Variants in TAOK3 observed in about 807,000 individuals in gnomAD.
TAOK3 encodes the protein TAO kinase 3, also known as serine/threonine-protein kinase TAO3.
TAOK3 carries 40 observed loss-of-function variants against 120.4 expected under a neutral mutation model. That is an observed-to-expected ratio of 0.33 (90% CI 0.26 to 0.43). The LOEUF is 0.43. Among genes scored for constraint, TAOK3 ranks in the 20% least tolerant of loss-of-function variants. The pLI is 1.00. For synonymous variants in TAOK3, 355 were observed against 387.5 expected (o/e 0.92, Z 0.99); for missense variants, 821 against 1,112.1 (o/e 0.74, Z 3.72).
At chr12:118,209,480 G>A (rs2038507491) in intron 11 of TAOK3, among the ~76,000 whole-genome samples, 1 of 152,058 alleles carries the variant, frequency 6.6e-6, no homozygotes, top group South Asian at 2.1e-4. Flanking sequence ...TCGGCTCACT[G>A]CAACCTCCTA....
At chr12:118,156,849 C>T (rs1279505630) in intron 19 of TAOK3, among the ~76,000 whole-genome samples, 3 of 151,988 alleles carry the variant, frequency 2.0e-5, no homozygotes, top group Admixed American at 6.6e-5. Context: ...GCGATTCTCC[C>T]GCCTCAGTCT....
rs550839480 is a variant in TAOK3, at chr12:118,299,572, C to T, written c.-193-32813G>A. On this transcript the variant is annotated intron_variant, in intron 1 of 20. Transcript: ENST00000392533. ...TCACCCAGGATGGAGTGCAGTGGCT[C>T]GATCTCGGCTCACTGCAACCTCTGC... is the stretch of plus-strand genomic sequence containing the variant. Among the ~76,000 whole-genome samples, 151 of 152,206 alleles carry T rather than the reference C, an allele frequency of 9.9e-4. 1 individual carries two copies. Among genetic ancestry groups the T allele is most frequent in the African/African-American group, 3.2e-3 (134 of 41,542 alleles).
rs528000392 is a variant in TAOK3 at position 118,304,462 on chromosome 12, A to G, written c.-193-37703T>C. Among the ~76,000 whole-genome samples the G allele has an allele frequency of 2.0e-5, 3 of 152,332 alleles. No homozygotes were observed. The South Asian group carries it at 6.2e-4, about 32-fold the overall frequency. On this transcript the variant is annotated intron_variant, in intron 1 of 20. Coordinates refer to ENST00000392533, the MANE Select transcript of TAOK3 (RefSeq NM_016281.4). ...GCTGAATTATTAATTACCTCTTCCT[A>G]GACTTCTTCGTATGATAACTTGATT... is the stretch of plus-strand genomic sequence containing the variant.
In TAOK3 at chr12:118,270,095, G is replaced by T. The variant is rs183383794; in HGVS notation, c.-193-3336C>A. 6.9e-3 allele frequency among the ~76,000 whole-genome samples: 1,054 copies of T among 152,244 alleles called. 7 individuals carry two copies. Among genetic ancestry groups the T allele is most frequent in the Non-Finnish European group, 0.01 (711 of 68,018 alleles). On this transcript the variant is annotated intron_variant, in intron 1 of 20. Transcript: ENST00000392533. ...ATTTCTGCCCATTTAATGATTTTAA[G>T]TAATACTGTGTCACTAGACAGTACT...
intron 9 of TAOK3, among the ~76,000 whole-genome samples, chr12:118,218,982 C>G (rs749718544): frequency 7.2e-5 from 11 of 152,072 alleles, no homozygotes; most frequent in African/African-American, 2.7e-4. Context: ...AATAAAACCA[C>G]GTGGAACTAG....
In TAOK3 at chr12:118,246,487, G is replaced by A. The variant is rs571931365; in HGVS notation, c.121-1522C>T. On this transcript the variant is annotated intron_variant, in intron 3 of 20. Transcript: ENST00000392533. ...TTTGTTGCTATCGGGGACTACAATG[G>A]CCACGTCGGTCTGGGTGTTAAGTGC... 13 of 1,556,166 alleles carry A rather than the reference G, an allele frequency of 8.4e-6. No individual in the cohort carries two copies. In the African/African-American group the frequency reaches 1.8e-4, roughly 21 times the overall value.
Position 118,371,843 on chromosome 12 carries a change from C to T in TAOK3, c.-194+805G>A, listed in dbSNP as rs1246854490. Among the ~76,000 whole-genome samples, 2 of 152,108 alleles carry T rather than the reference C, an allele frequency of 1.3e-5. No homozygotes were observed. The highest frequency in any genetic ancestry group is 2.9e-5 in the Non-Finnish European group (2 of 67,990). ...TGCACCCGACGCTCAAAGCCCCTCT[C>T]GGAGTCCCACGCTCGCATGCGCTGT... On this transcript the variant is annotated intron_variant, in intron 1 of 20. Coordinates refer to ENST00000392533, the MANE Select transcript of TAOK3 (RefSeq NM_016281.4). This position sits in a 1 kb window ranked among gnomAD's most constrained non-coding sequence, Gnocchi z 5.5.
At chr12:118,319,409 A>T (rs2043606977) in intron 1 of TAOK3, among the ~76,000 whole-genome samples, 1 of 152,178 alleles carries the variant, frequency 6.6e-6, no homozygotes, top group Admixed American at 6.5e-5. Flanking sequence ...ATAAGAATTT[A>T]GATAATCTAA....
chr12:118,156,783 G>A (rs1030778038), intron 19 of TAOK3, among the ~76,000 whole-genome samples: 10 of 151,776 alleles, frequency 6.6e-5, no homozygotes, highest in African/African-American at 2.2e-4. Context: ...CACCCAGGCT[G>A]GAGTGCAGTG....
At chr12:118,331,011 A>T (rs756696087) in intron 1 of TAOK3, among the ~76,000 whole-genome samples, 1 of 152,200 alleles carries the variant, frequency 6.6e-6, no homozygotes, top group South Asian at 2.1e-4. Context: ...ACAAAACTCT[A>T]GATTATGGCA....
chr12:118,204,001 C>T (rs1025045086), intron 11 of TAOK3, among the ~76,000 whole-genome samples: 2 of 152,084 alleles, frequency 1.3e-5, no homozygotes, highest in Non-Finnish European at 2.9e-5. Context: ...CGTGGTGGCT[C>T]ACATCTGTAA....
intron 9 of TAOK3, 144 bp downstream of exon 9, chr12:118,233,530 C>G (rs1328853680): frequency 1.6e-6 from 1 of 632,142 alleles, no homozygotes; most frequent in Non-Finnish European, 2.7e-6. Flanking sequence ...ATTCGCATTG[C>G]CTAGCACACA....
At chr12:118,358,029 GAC>G (rs2045465592) in intron 1 of TAOK3, among the ~76,000 whole-genome samples, 1 of 152,166 alleles carries the variant, frequency 6.6e-6, no homozygotes, top group Non-Finnish European at 1.5e-5. Flanking sequence ...GTTTGGATAT[GAC>G]AGTCACATGT....
rs1026190089 is a variant in TAOK3 at position 118,238,642 on chromosome 12, T to G, written c.341-473A>C. 1.5e-3 allele frequency among the ~76,000 whole-genome samples: 226 copies of G among 152,122 alleles called. 3 individuals carry two copies. Among genetic ancestry groups the G allele is most frequent in the East Asian group, 4.8e-3 (25 of 5,184 alleles). On this transcript the variant is annotated intron_variant, in intron 6 of 20. Transcript: ENST00000392533. ...GAGATCAACAGTGATTTAATTTTTT[T>G]TTTTTTTTTGAGACAGGGGTCTCAC...
At chr12:118,343,806 A>G (rs1593629306) in intron 1 of TAOK3, among the ~76,000 whole-genome samples, 1 of 151,964 alleles carries the variant, frequency 6.6e-6, no homozygotes, top group East Asian at 1.9e-4. Context: ...AGGTCAGGAG[A>G]TCGAGACCAT....
chr12:118,291,230 T>A (rs1412262567), intron 1 of TAOK3, among the ~76,000 whole-genome samples: 1 of 150,308 alleles, frequency 6.7e-6, no homozygotes, highest in Non-Finnish European at 1.5e-5. Context: ...GATCTCAGCT[T>A]ACTGTACCCT....
chr12:118,218,485 T>G (rs2039052932), intron 9 of TAOK3, among the ~76,000 whole-genome samples: 1 of 152,142 alleles, frequency 6.6e-6, no homozygotes, highest in South Asian at 2.1e-4. Flanking sequence ...TCTGTATACT[T>G]TAAATCATCT....
chr12:118,360,466 G>A (rs2045557364), intron 1 of TAOK3, among the ~76,000 whole-genome samples: 1 of 150,984 alleles, frequency 6.6e-6, no homozygotes, highest in Non-Finnish European at 1.5e-5. Flanking sequence ...TACTCGGGAG[G>A]CTGAGGCAGG....
chr12:118,181,669 A>C, intron 14 of TAOK3, 62 bp from the exon 15 acceptor site: 1 of 1,419,308 alleles, frequency 7.0e-7, no homozygotes, highest in Non-Finnish European at 9.9e-7. Context: ...GCTTTCATGC[A>C]AAGTAGAACG....
Sources: gnomAD v4.1 joint callset for allele counts (sites outside exome capture counted in the v4.1 genomes callset) on GRCh38, gnomAD v4.1.1 for gene constraint, Gnocchi (gnomAD v3.1) non-coding constraint, MANE v1.5 for transcripts, NCBI Gene and HGNC (gene_info 2026-07-23, HGNC 2026-07-21) for gene names.